Variants in INPP5A observed in about 807,000 individuals in gnomAD.
INPP5A encodes 43 kDa inositol polyphosphate 5-phophatase.
Under a neutral mutation model 65.2 loss-of-function variants are expected in INPP5A, and 14 were observed. The ratio of observed to expected loss-of-function variants is 0.21; its 90% CI spans 0.14 to 0.34. The LOEUF is 0.34. Among genes scored for constraint, INPP5A ranks in the 10% least tolerant of loss-of-function variants. INPP5A has a pLI of 1.00. For missense variants in INPP5A, 431 were observed against 545.6 expected (o/e 0.79, Z 2.09); for synonymous variants, 207 against 208.3 (o/e 0.99, Z 0.05).
At position 132,753,218 on chromosome 10, in the gene INPP5A, C is replaced by T. The variant is rs367667643; in HGVS notation, c.903+3373C>T. On this transcript the variant is annotated intron_variant, in intron 11 of 15. Coordinates refer to ENST00000368594, the MANE Select transcript of INPP5A (RefSeq NM_005539.5). The surrounding 1 kb of genome is among the most constrained non-coding windows in gnomAD (Gnocchi z 5.3). ...CGAGTCAGTTGTGCCCAGAAATTGGCAGTTGTCCCCATCGACGGAGGGTCA... is the reference window on the plus strand; with the variant it reads ...CGAGTCAGTTGTGCCCAGAAATTGGTAGTTGTCCCCATCGACGGAGGGTCA... 9.9e-5 allele frequency among the ~76,000 whole-genome samples: 15 copies of T among 152,278 alleles called. No individual in the cohort carries two copies. In the East Asian group the frequency reaches 2.7e-3, roughly 27 times the overall value.
chr10:132,614,753 C>T (rs148639420), intron 2 of INPP5A, among the ~76,000 whole-genome samples: 2 of 152,342 alleles, frequency 1.3e-5, no homozygotes, highest in South Asian at 2.1e-4. Context: ...CTCTGGGGGC[C>T]GATGAGATCG....
At chr10:132,717,325 G>GT (rs1845758331) in intron 8 of INPP5A, among the ~76,000 whole-genome samples, 1 of 145,896 alleles carries the variant, frequency 6.9e-6, no homozygotes, top group African/African-American at 2.8e-5. Flanking sequence ...GGGTGGGGAA[G>GT]TCAGGGGGCC....
At chr10:132,585,291 C>G (rs2071533204) in intron 1 of INPP5A, among the ~76,000 whole-genome samples, 2 of 152,214 alleles carry the variant, frequency 1.3e-5, no homozygotes, top group South Asian at 4.1e-4. Context: ...GTAGTCCTCC[C>G]TCATCCATGG....
intron 1 of INPP5A, among the ~76,000 whole-genome samples, chr10:132,558,509 C>T (rs997176064): frequency 5.9e-5 from 9 of 152,334 alleles, no homozygotes; most frequent in East Asian, 5.8e-4. Flanking sequence ...CCTCTGGGGG[C>T]GGGTGGTCCA....
At position 132,704,830 on chromosome 10, in the gene INPP5A, C is replaced by G. The variant is rs1845507654; in HGVS notation, c.475-3483C>G. Reference sequence around the variant, plus strand: ...TCTGGACAGGCGGCAGGCAGCTCCTCTGGAGTGTGGAGGATGGAGGAAGGG... The same window carrying G: ...TCTGGACAGGCGGCAGGCAGCTCCTGTGGAGTGTGGAGGATGGAGGAAGGG... On this transcript the variant is annotated intron_variant, in intron 6 of 15. Coordinates refer to ENST00000368594, the MANE Select transcript of INPP5A (RefSeq NM_005539.5). The surrounding 1 kb of genome is among the most constrained non-coding windows in gnomAD (Gnocchi z 4.5). 3.3e-5 allele frequency among the ~76,000 whole-genome samples: 5 copies of G among 149,308 alleles called. No individual in the cohort carries two copies. Among genetic ancestry groups the G allele is most frequent in the Admixed American group, 3.3e-4 (5 of 15,018 alleles).
chr10:132,712,385 TTG>T (rs775273140), intron 8 of INPP5A, among the ~76,000 whole-genome samples: 120 of 151,416 alleles, frequency 7.9e-4, no homozygotes, highest in Admixed American at 1.5e-3. Flanking sequence ...GTGTGGATGC[TTG>T]TGTGTGCATG....
rs749178035 is a variant in INPP5A, at chr10:132,566,044, T to TG, written c.75+27876dup. ...GCGTTGTAGCCTCAGGAGTGTTCTC[T>TG]GGGTGTGACTCACACCTGGCCACAT... On this transcript the variant is annotated intron_variant, in intron 1 of 15. Transcript: ENST00000368594. Among the ~76,000 whole-genome samples, 13 of 152,122 alleles carry TG rather than the reference T, an allele frequency of 8.5e-5. No individual in the cohort carries two copies. The East Asian group carries it at 1.5e-3, about 18-fold the overall frequency.
At chr10:132,581,626 C>T (rs1024147822) in intron 1 of INPP5A, among the ~76,000 whole-genome samples, 1 of 152,148 alleles carries the variant, frequency 6.6e-6, no homozygotes, top group Non-Finnish European at 1.5e-5. Context: ...ATTGGCATCT[C>T]TTTGAGGATT....
At position 132,644,715 on chromosome 10, in the gene INPP5A, CAGAG is replaced by C. The variant is rs1028478171; in HGVS notation, c.118-1150_118-1147del. Among the ~76,000 whole-genome samples, 1 of 152,256 alleles carries C rather than the reference CAGAG, an allele frequency of 6.6e-6. No homozygotes were observed. Among genetic ancestry groups the C allele is most frequent in the Admixed American group, 6.5e-5 (1 of 15,282 alleles). ...GTAGCACCACCACCCCGGCACCAGA[CAGAG>C]AGCCCTGTCGGGGCTTGCTCCTTGG... is the stretch of plus-strand genomic sequence containing the variant. On this transcript the variant is annotated intron_variant, in intron 2 of 15. Coordinates refer to ENST00000368594, the MANE Select transcript of INPP5A (RefSeq NM_005539.5). This position sits in a 1 kb window ranked among gnomAD's most constrained non-coding sequence, Gnocchi z 6.5.
intron 2 of INPP5A, among the ~76,000 whole-genome samples, chr10:132,643,333 C>G (rs537144780): frequency 9.2e-5 from 14 of 152,162 alleles, no homozygotes; most frequent in African/African-American, 3.4e-4. Flanking sequence ...TGAGAAAAGT[C>G]ACGGGCCTGA....
intron 1 of INPP5A, among the ~76,000 whole-genome samples, chr10:132,596,925 G>A (rs547553221): frequency 0.33 from 11,314 of 33,968 alleles, 542 homozygotes; most frequent in South Asian, 0.48. Flanking sequence ...ATGTGTGCGC[G>A]CATGTGCACG....
rs549084965 is a variant in INPP5A, at chr10:132,631,444, C to T, written c.118-14424C>T. Among the ~76,000 whole-genome samples, 5 of 152,340 alleles carry T rather than the reference C, an allele frequency of 3.3e-5. No homozygotes were observed. In the South Asian group the frequency reaches 1.0e-3, roughly 32 times the overall value. On this transcript the variant is annotated intron_variant, in intron 2 of 15. Coordinates refer to ENST00000368594, the MANE Select transcript of INPP5A (RefSeq NM_005539.5). ...TTTAAACAGGGTGTTTTCCAGGCGT[C>T]GTTGGCAAGTAACTGTGGCCTTTTT...
chr10:132,780,681 T>C (rs1210867046), intron 13 of INPP5A, among the ~76,000 whole-genome samples, 168 bp from the exon 14 acceptor site: 7 of 152,256 alleles, frequency 4.6e-5, no homozygotes, highest in Non-Finnish European at 8.8e-5. Flanking sequence ...CTGGCCTCTC[T>C]CTCAGGGGCC....
At chr10:132,640,241 G>A (rs2072408780) in intron 2 of INPP5A, among the ~76,000 whole-genome samples, 1 of 152,238 alleles carries the variant, frequency 6.6e-6, no homozygotes, top group South Asian at 2.1e-4. Context: ...GTCTCATGCT[G>A]GGTGCTGGTC....
rs764095324 is a variant in INPP5A, at chr10:132,782,540, C to G, written c.*511C>G. On this transcript the variant is annotated 3_prime_UTR_variant, in exon 16 of 16. Coordinates refer to ENST00000368594, the MANE Select transcript of INPP5A (RefSeq NM_005539.5). This position sits in a 1 kb window ranked among gnomAD's most constrained non-coding sequence, Gnocchi z 4.4. ...GCCGATGCTCCTTCCGCGGCACTGA[C>G]TCTGCGCCGTGTCACATGGTTTTTG... The G allele has an allele frequency of 4.1e-4, 64 of 157,278 alleles. No homozygotes were observed. Among genetic ancestry groups the G allele is most frequent in the Non-Finnish European group, 7.5e-4 (53 of 70,794 alleles). 9.7% of individuals were successfully genotyped at this position (157,278 alleles called of 1,614,324 possible). A position where few individuals can be genotyped will look rare whatever the true frequency, so the allele number is the denominator to read the frequency against.
At chr10:132,639,426 G>A (rs2072399300) in intron 2 of INPP5A, among the ~76,000 whole-genome samples, 1 of 151,718 alleles carries the variant, frequency 6.6e-6, no homozygotes, top group South Asian at 2.1e-4. Context: ...CTGTATGTGT[G>A]TTCTGTTACT....
chr10:132,655,197 C>T (rs543949616), intron 4 of INPP5A, among the ~76,000 whole-genome samples: 2 of 152,334 alleles, frequency 1.3e-5, no homozygotes, highest in Admixed American at 6.5e-5. Flanking sequence ...GGTCTGTGTG[C>T]CTCATCCCTG....
intron 9 of INPP5A, among the ~76,000 whole-genome samples, chr10:132,748,545 C>T (rs1488787844): frequency 2.6e-5 from 4 of 152,264 alleles, no homozygotes; most frequent in Non-Finnish European, 5.9e-5. Context: ...TAGGGGTCTC[C>T]AGCTCTCTTA....
chr10:132,552,413 G>A (rs1161933419), intron 1 of INPP5A, among the ~76,000 whole-genome samples: 13 of 135,654 alleles, frequency 9.6e-5, no homozygotes, highest in South Asian at 5.0e-4. Context: ...ATTGGTGAAC[G>A]CCTTCTCAGA....
Sources: gnomAD v4.1 joint callset for allele counts (sites outside exome capture counted in the v4.1 genomes callset) on GRCh38, gnomAD v4.1.1 for gene constraint, Gnocchi (gnomAD v3.1) non-coding constraint, MANE v1.5 for transcripts, NCBI Gene and HGNC (gene_info 2026-07-23, HGNC 2026-07-21) for gene names.